The following UBXN11 variants were observed in gnomAD, a reference collection of about 807,000 sequenced individuals.
The protein encoded by UBXN11 is UBX domain-containing protein 11.
A neutral mutation model predicts 62.8 loss-of-function variants in UBXN11; 47 were observed. The observed-to-expected ratio is 0.75, with a 90% confidence interval of 0.59 to 0.95. The LOEUF is 0.95. UBXN11 is among the 40% of genes least tolerant of loss of function. The pLI, the probability that UBXN11 is intolerant of heterozygous loss-of-function variation, is 0.00. For synonymous variants in UBXN11, 294 were observed against 267.0 expected (o/e 1.10, Z -0.99); for missense variants, 638 against 661.7 (o/e 0.96, Z 0.39).
chr1:26,301,678 G>A lies in UBXN11; in HGVS notation c.100+16C>T, dbSNP rs1266091129. On this transcript the variant is annotated intron_variant, in intron 3 of 14. Transcript: ENST00000374222. The stretch of plus-strand genomic sequence containing the variant: ...ACATGAGAGGCGAAGAGGGCACGAG[G>A]GCGGGGCACACTTACCATCTCCATA... The A allele has an allele frequency of 3.1e-6, 5 of 1,613,762 alleles. No homozygotes were observed. The highest frequency in any genetic ancestry group is 1.7e-5 in the Admixed American group (1 of 59,990).
At chr1:26,290,198 C>T (rs2073227079) in intron 8 of UBXN11, among the ~76,000 whole-genome samples, 2 of 152,238 alleles carry the variant, frequency 1.3e-5, no homozygotes, top group Non-Finnish European at 2.9e-5. Flanking sequence ...TACACACACC[C>T]TTGCCCATGT....
rs767572300 is a variant in UBXN11, at chr1:26,285,540, C to T, written c.776G>A (p.Arg259His). The T allele has an allele frequency of 5.1e-6, 8 of 1,576,776 alleles. No individual in the cohort carries two copies. The highest frequency in any genetic ancestry group is 3.4e-5 in the South Asian group (3 of 87,586). The change falls in exon 10 of 15, where the codon CGC (arginine) becomes CAC (histidine). Residue 259 changes from arginine (R) to histidine (H), a missense_variant and splice_region_variant. By Grantham distance (29) the Arg-to-His change is conservative. Transcript: ENST00000374222. The stretch of plus-strand genomic sequence containing the variant: ...GCCATCCAATATGTCTCGGAGGCAG[C>T]GCTGCAAGGGAAGAGGAAAAGTGAG... ...FQPFYDPSTQ[R>H]CLRDILDGFF...
intron 2 of UBXN11, among the ~76,000 whole-genome samples, chr1:26,302,040 G>A (rs1023555470): frequency 2.6e-5 from 4 of 152,314 alleles, no homozygotes; most frequent in Non-Finnish European, 5.9e-5. Flanking sequence ...TGTGAGGCCT[G>A]TTGCTTAACC....
In UBXN11 at chr1:26,318,045, A is replaced by T; in HGVS notation, c.-149+2T>A. Reference sequence around the variant, plus strand: ...GAAGCGCTTCCTCTTCCTCCTACTCACCATCAGCCTCCTGGTTATGGTACA... The same window carrying T: ...GAAGCGCTTCCTCTTCCTCCTACTCTCCATCAGCCTCCTGGTTATGGTACA... On this transcript the variant is annotated splice_donor_variant, in intron 1 of 14. Coordinates refer to the UBXN11 transcript ENST00000374217. LOFTEE classifies it low-confidence loss of function (5UTR_SPLICE). The T allele has an allele frequency of 1.2e-6, 2 of 1,613,884 alleles. No homozygotes were observed. The highest frequency in any genetic ancestry group is 1.7e-6 in the Non-Finnish European group (2 of 1,179,930).
Position 26,282,665 on chromosome 1 carries a change from G to C in UBXN11, c.1276C>G (p.Leu426Val). 6.2e-7 allele frequency: 1 copy of C among 1,614,126 alleles called. No homozygotes were observed. Among genetic ancestry groups the C allele is most frequent in the Non-Finnish European group, 8.5e-7 (1 of 1,180,036 alleles). Residue 426 changes from leucine to valine, a missense_variant, in exon 14 of 15, where the codon CTG (leucine) becomes GTG (valine). Physicochemically the swap from Leu to Val is conservative, Grantham distance 32 (BLOSUM62 1). Coordinates refer to ENST00000374222, the MANE Select transcript of UBXN11 (RefSeq NM_001389556.1). The part of the protein sequence containing the change: ...PDNTIGDVRA[L>V]LAQARVMDAS... ...TGCACCCACCTGGCCTGCGCTAGCA[G>C]AGCTCGCACGTCCCCAATGGTGTTG...
At chr1:26,297,378 G>A (rs369351269) in intron 6 of UBXN11, 49 bp downstream of exon 6, 19 of 1,487,572 alleles carry the variant, frequency 1.3e-5, no homozygotes, top group African/African-American at 2.8e-5. Context: ...CTGGGCCCAG[G>A]GGAGGTGCCT....
intron 1 of UBXN11, among the ~76,000 whole-genome samples, chr1:26,305,029 T>C (rs893930601): frequency 6.6e-6 from 1 of 152,216 alleles, no homozygotes; most frequent in Non-Finnish European, 1.5e-5. Context: ...AAAATTATTA[T>C]AGATTCACAG....
intron 4 of UBXN11, 61 bp from the exon 5 acceptor site, chr1:26,298,123 G>A (rs1203096894): frequency 2.6e-6 from 4 of 1,537,446 alleles, no homozygotes; most frequent in South Asian, 2.3e-5. Context: ...TTGTGGGGGG[G>A]AGGGAGGAGG....
At chr1:26,283,218 G>C (rs1270833641) in intron 12 of UBXN11, among the ~76,000 whole-genome samples, 1 of 152,108 alleles carries the variant, frequency 6.6e-6, no homozygotes, top group African/African-American at 2.4e-5. Flanking sequence ...CCCAGCCTGG[G>C]GTCAGGGAAG....
In UBXN11 at chr1:26,286,405, G is replaced by A. The variant is rs78763048; in HGVS notation, c.560-368C>T. The stretch of plus-strand genomic sequence containing the variant: ...CAGATCTGTGTCAGGCACTGGGTTG[G>A]CAGCTGAAAAGTACAGGGCAGAGCT... On this transcript the variant is annotated intron_variant, in intron 8 of 14. Transcript: ENST00000374222. Among the ~76,000 whole-genome samples, 1,425 of 152,348 alleles carry A rather than the reference G, an allele frequency of 9.4e-3. 21 individuals are homozygous for A. The highest frequency in any genetic ancestry group is 0.031 in the African/African-American group (1,302 of 41,580).
chr1:26,286,324 A>G lies in UBXN11; in HGVS notation c.560-287T>C, dbSNP rs140808821. On this transcript the variant is annotated intron_variant, in intron 8 of 14. Coordinates refer to ENST00000374222, the MANE Select transcript of UBXN11 (RefSeq NM_001389556.1). ...AGATGAGGAAACTGAGGGTTAGAGA[A>G]AGTTACATGGCTTGTGAGAAACACA... is the stretch of plus-strand genomic sequence containing the variant. 1.3e-3 allele frequency among the ~76,000 whole-genome samples: 194 copies of G among 152,358 alleles called. 1 individual carries two copies. The highest frequency in any genetic ancestry group is 4.5e-3 in the African/African-American group (187 of 41,574).
upstream of UBXN11, among the ~76,000 whole-genome samples, chr1:26,308,274 A>AG (rs1194288558): frequency 9.2e-5 from 13 of 141,558 alleles, no homozygotes; most frequent in Non-Finnish European, 1.5e-4. Context: ...TCAAAAAAAA[A>AG]AAAAAGAAAA....
chr1:26,300,410 G>A (rs779891310), intron 4 of UBXN11, among the ~76,000 whole-genome samples: 10 of 152,226 alleles, frequency 6.6e-5, no homozygotes, highest in Admixed American at 6.5e-4. Flanking sequence ...CCCAGATCCC[G>A]CCCAGCACTC....
chr1:26,303,031 A>G, intron 1 of UBXN11, 113 bp from the exon 2 acceptor site: 1 of 663,084 alleles, frequency 1.5e-6, no homozygotes, highest in Non-Finnish European at 2.6e-6. Flanking sequence ...AGCGCTGTCT[A>G]GGCAGCAGTA....
rs779251576 is a variant in UBXN11, at chr1:26,294,306, T to C, written c.458A>G (p.Gln153Arg). The change falls in exon 8 of 15, where the codon CAG (glutamine) becomes CGG (arginine). Residue 153 changes from glutamine (Q) to arginine (R), a missense_variant. Transcript: ENST00000374222. ...MERFLSDYGL[Q>R]WVGEPMDQED... is the part of the protein sequence containing the mutation. ...CTGGTCCATGGGCTCGCCCACCCAC[T>C]GCAGGCCATAGTCACTGAGGAACCG... The C allele has an allele frequency of 6.2e-7, 1 of 1,614,068 alleles. No individual in the cohort carries two copies. The highest frequency in any genetic ancestry group is 1.1e-5 in the South Asian group (1 of 91,084).
At chr1:26,284,317 C>G (rs778349240) in intron 11 of UBXN11, 45 bp downstream of exon 11, 4 of 1,613,318 alleles carry the variant, frequency 2.5e-6, no homozygotes, top group Non-Finnish European at 2.5e-6. Context: ...GGAGTTTGTT[C>G]TGCAGTCCCC....
Position 26,285,497 on chromosome 1 carries a change from G to A in UBXN11, c.819C>T (p.Leu273=). 6.2e-7 allele frequency: 1 copy of A among 1,603,062 alleles called. No homozygotes were observed. Among genetic ancestry groups the A allele is most frequent in the South Asian group, 1.1e-5 (1 of 90,426 alleles). ...DILDGFFPSE[L]QRLYPNGVPF... ...GGACCCCATTGGGGTACAGTCGCTG[G>A]AGCTCTGAGGGAAAGAAGCCATCCA... Residue 273 remains leucine, a synonymous_variant, in exon 10 of 15, where the codon CTC becomes CTT. Coordinates refer to ENST00000374222, the MANE Select transcript of UBXN11 (RefSeq NM_001389556.1).
Position 26,297,995 on chromosome 1 carries a change from C to T in UBXN11, c.267G>A (p.Gln89=), listed in dbSNP as rs34916795. Residue 89 remains glutamine, a synonymous_variant, in exon 5 of 15, where the codon CAG becomes CAA. Coordinates refer to ENST00000374222, the MANE Select transcript of UBXN11 (RefSeq NM_001389556.1). Reference sequence around the variant, plus strand: ...GTATCTCATCAGTCTGGGCCTTCACCTGCTGCTCCAGGTCCCACAACTTCC... The same window carrying T: ...GTATCTCATCAGTCTGGGCCTTCACTTGCTGCTCCAGGTCCCACAACTTCC... ...MTRKLWDLEQ[Q]VKAQTDEILS... 1,996 of 1,614,078 alleles carry T rather than the reference C, an allele frequency of 1.2e-3. 28 individuals are homozygous for T. The African/African-American group carries it at 0.024, about 19-fold the overall frequency.
upstream of UBXN11, chr1:26,306,829 T>TGG (rs1173775523): frequency 2.4e-3 from 47 of 19,864 alleles, 1 homozygote; most frequent in East Asian, 0.015. Context: ...CGGGGCGGGG[T>TGG]GGGGGGGGGG....
Sources: allele counts gnomAD v4.1 joint callset (sites outside exome capture counted in the v4.1 genomes callset), GRCh38; gene constraint gnomAD v4.1.1; transcripts MANE v1.5; gene names NCBI Gene and HGNC (gene_info 2026-07-23, HGNC 2026-07-21).